The following ZFHX3 variants were observed in gnomAD, a reference collection of about 807,000 sequenced individuals.
The protein encoded by ZFHX3 is zinc finger homeobox 3.
In ZFHX3, 42 loss-of-function variants were observed where a neutral mutation model predicts 279.1. The ratio of observed to expected loss-of-function variants is 0.15; its 90% CI spans 0.12 to 0.19. The LOEUF (loss-of-function observed/expected upper bound fraction) is 0.19, where lower values mean the gene tolerates loss of function less well. Among genes scored for constraint, ZFHX3 ranks in the 10% least tolerant of loss-of-function variants. The probability of loss-of-function intolerance (pLI) is 1.00; values close to 1 mark genes in which losing one functional copy is unlikely to be tolerated. For synonymous variants in ZFHX3, 2,293 were observed against 1,957.8 expected (o/e 1.17, Z -4.52); for missense variants, 4,981 against 4,754.0 (o/e 1.05, Z -1.40).
At chr16:73,351,770 G>T (rs1014285190) in intron 3 of ZFHX3, among the ~76,000 whole-genome samples, 1 of 151,204 alleles carries the variant, frequency 6.6e-6, no homozygotes, top group Non-Finnish European at 1.5e-5. Context: ...TTACCTCTGG[G>T]TCTCCAGCCT....
intron 6 of ZFHX3, among the ~76,000 whole-genome samples, chr16:73,135,024 GTTT>G (rs1297307357): frequency 6.6e-6 from 1 of 152,018 alleles, no homozygotes; most frequent in Non-Finnish European, 1.5e-5. Flanking sequence ...AGACTCAGGG[GTTT>G]TTTGTTACTG....
At chr16:72,882,474 G>T (rs3812982) in intron 4 of ZFHX3, among the ~76,000 whole-genome samples, 10,470 of 152,130 alleles carry the variant, frequency 0.069, 702 homozygotes, top group African/African-American at 0.18. Context: ...GAGTGAATAC[G>T]AATCACTGCA....
At chr16:73,123,138 G>A (rs1966520379) in intron 7 of ZFHX3, among the ~76,000 whole-genome samples, 1 of 150,864 alleles carries the variant, frequency 6.6e-6, no homozygotes, top group Admixed American at 6.6e-5. Flanking sequence ...CTTGGGTTAT[G>A]AGGATACAGG....
At chr16:73,461,590 T>G (rs1245844576) in intron 2 of ZFHX3, among the ~76,000 whole-genome samples, 1 of 152,226 alleles carries the variant, frequency 6.6e-6, no homozygotes, top group East Asian at 1.9e-4. Flanking sequence ...TGAGGTTCAC[T>G]TTTGTTTACC....
chr16:73,399,343 T>C (rs1271276469), intron 3 of ZFHX3, among the ~76,000 whole-genome samples: 1 of 152,132 alleles, frequency 6.6e-6, no homozygotes, highest in East Asian at 1.9e-4. Flanking sequence ...CTCTGAGGCA[T>C]GGGTGGAAAC....
At chr16:73,496,052 G>T (rs945618837) in intron 2 of ZFHX3, among the ~76,000 whole-genome samples, 1 of 152,144 alleles carries the variant, frequency 6.6e-6, no homozygotes, top group African/African-American at 2.4e-5. Flanking sequence ...TTGCAGACTC[G>T]CACACACGGA....
At chr16:72,910,177 C>T (rs1237396876) in intron 3 of ZFHX3, among the ~76,000 whole-genome samples, 2 of 152,182 alleles carry the variant, frequency 1.3e-5, no homozygotes, top group East Asian at 3.8e-4. Context: ...CTTAACAATA[C>T]CTGTAACTGA....
intron 2 of ZFHX3, among the ~76,000 whole-genome samples, chr16:73,627,630 G>A (rs1038007539): frequency 1.3e-5 from 2 of 152,178 alleles, no homozygotes; most frequent in African/African-American, 4.8e-5. Context: ...TAAGAAAACA[G>A]CTGTTGGGGT....
chr16:72,875,060 G>A (rs1294232225), intron 4 of ZFHX3, among the ~76,000 whole-genome samples: 1 of 152,228 alleles, frequency 6.6e-6, no homozygotes, highest in African/African-American at 2.4e-5. Flanking sequence ...CTCCCATCAA[G>A]AAGCTCACAG....
At chr16:73,006,984 C>G (rs912498465) in intron 1 of ZFHX3, among the ~76,000 whole-genome samples, 7 of 152,058 alleles carry the variant, frequency 4.6e-5, no homozygotes, top group Non-Finnish European at 1.0e-4. Flanking sequence ...GAGTAAAGAC[C>G]CAATTTTTTC....
intron 3 of ZFHX3, among the ~76,000 whole-genome samples, chr16:73,349,740 TTCCC>T (rs1416191519): frequency 0.013 from 874 of 66,516 alleles, 62 homozygotes; most frequent in African/African-American, 0.071. Context: ...TCTCCCTTCC[TTCCC>T]TCCCTCCCTC....
chr16:73,642,162 C>T (rs1480541896), intron 2 of ZFHX3, among the ~76,000 whole-genome samples: 1 of 152,190 alleles, frequency 6.6e-6, no homozygotes, highest in Non-Finnish European at 1.5e-5. Flanking sequence ...GTGAAAGCAG[C>T]TCTGATTCCC....
chr16:73,667,268 G>T (rs2052852920), intron 2 of ZFHX3, among the ~76,000 whole-genome samples: 1 of 152,156 alleles, frequency 6.6e-6, no homozygotes, highest in Non-Finnish European at 1.5e-5. Context: ...GTGATTACAG[G>T]CGTGAGCCAC....
At chr16:73,437,419 A>G (rs2018016352) in intron 3 of ZFHX3, among the ~76,000 whole-genome samples, 2 of 152,220 alleles carry the variant, frequency 1.3e-5, no homozygotes, top group South Asian at 4.1e-4. Flanking sequence ...TGACATTGGA[A>G]TAGGGGGTTT....
intron 5 of ZFHX3, among the ~76,000 whole-genome samples, chr16:73,250,626 T>C (rs2013453965): frequency 6.6e-6 from 1 of 152,138 alleles, no homozygotes; most frequent in African/African-American, 2.4e-5. Flanking sequence ...CTCCAGCTCC[T>C]GGATTCACGC....
chr16:73,591,516 C>A (rs1448412243), intron 2 of ZFHX3, among the ~76,000 whole-genome samples: 1 of 150,810 alleles, frequency 6.6e-6, no homozygotes, highest in East Asian at 2.0e-4. Flanking sequence ...ACTCGTGAAA[C>A]CTTGTCTCTA....
chr16:73,223,150 C>T (rs1308407547), intron 5 of ZFHX3, among the ~76,000 whole-genome samples: 1 of 152,040 alleles, frequency 6.6e-6, no homozygotes, highest in African/African-American at 2.4e-5. Flanking sequence ...TCTAGATGGC[C>T]TTGGGTTTGG....
At chr16:73,264,490 A>G (rs2013911488) in intron 4 of ZFHX3, among the ~76,000 whole-genome samples, 1 of 151,884 alleles carries the variant, frequency 6.6e-6, no homozygotes, top group Non-Finnish European at 1.5e-5. Flanking sequence ...ATGCCCCAAG[A>G]TTTTCCCAAT....
chr16:73,070,226 T>C (rs1035423058), intron 8 of ZFHX3, among the ~76,000 whole-genome samples: 5 of 152,186 alleles, frequency 3.3e-5, no homozygotes, highest in Non-Finnish European at 4.4e-5. Context: ...TCTCATTGAA[T>C]CTGTTAGCAT....
Sources: allele counts gnomAD v4.1 joint callset (sites outside exome capture counted in the v4.1 genomes callset), GRCh38; gene constraint gnomAD v4.1.1; transcripts MANE v1.5; gene names NCBI Gene and HGNC (gene_info 2026-07-23, HGNC 2026-07-21).